Variants in PTPRN2 observed in about 807,000 individuals in gnomAD.
The protein encoded by PTPRN2 is receptor-type tyrosine-protein phosphatase N2.
A neutral mutation model predicts 118.8 loss-of-function variants in PTPRN2; 74 were observed. That is an observed-to-expected ratio of 0.62 (90% CI 0.52 to 0.76). PTPRN2 has a LOEUF of 0.76. Ranked by LOEUF, PTPRN2 falls within the 30% of genes least tolerant of loss-of-function variation. PTPRN2 has a pLI of 0.00. For missense variants in PTPRN2, 1,481 were observed against 1,394.4 expected, an observed-to-expected ratio of 1.06 and a Z score of -0.99; for synonymous variants, 641 against 608.0, an observed-to-expected ratio of 1.05 and a Z score of -0.80.
intron 1 of PTPRN2, among the ~76,000 whole-genome samples, chr7:158,568,372 A>G (rs555084155): frequency 7.9e-4 from 120 of 152,290 alleles, no homozygotes; most frequent in African/African-American, 2.7e-3. Flanking sequence ...CTCACACACA[A>G]TATAGCGAAG....
intron 11 of PTPRN2, among the ~76,000 whole-genome samples, chr7:158,010,422 T>G (rs1805958332): frequency 6.6e-6 from 1 of 152,302 alleles, no homozygotes; most frequent in East Asian, 1.9e-4. Flanking sequence ...ACTACATCAT[T>G]TCTACACTTG....
intron 12 of PTPRN2, among the ~76,000 whole-genome samples, chr7:157,878,726 C>G (rs1462919738): frequency 2.9e-5 from 4 of 139,212 alleles, no homozygotes; most frequent in Non-Finnish European, 6.1e-5. Flanking sequence ...GAGGAGCTCT[C>G]GGATTCCATG....
intron 12 of PTPRN2, among the ~76,000 whole-genome samples, chr7:157,832,276 C>A (rs563610444): frequency 6.6e-6 from 1 of 152,174 alleles, no homozygotes; most frequent in Non-Finnish European, 1.5e-5. Context: ...CGATCAGAGG[C>A]GGCTGCATTC....
chr7:158,259,515 G>A (rs1052356038), intron 3 of PTPRN2, among the ~76,000 whole-genome samples: 2 of 152,220 alleles, frequency 1.3e-5, no homozygotes, highest in Non-Finnish European at 2.9e-5. Context: ...ACCAACGGCT[G>A]GCATGTTCCT....
chr7:158,457,401 C>T (rs1818595601), intron 2 of PTPRN2, among the ~76,000 whole-genome samples: 1 of 152,356 alleles, frequency 6.6e-6, no homozygotes, highest in South Asian at 2.1e-4. Context: ...CCTTGATAAG[C>T]AGACACCACT....
chr7:157,669,497 G>A, intron 13 of PTPRN2: 1 of 474,300 alleles, frequency 2.1e-6, no homozygotes, highest in Non-Finnish European at 4.2e-6. Flanking sequence ...AGCTCTGCAG[G>A]CCCCTCCCCG....
intron 3 of PTPRN2, among the ~76,000 whole-genome samples, chr7:158,214,238 A>T (rs1170856679): frequency 1.3e-5 from 2 of 152,028 alleles, no homozygotes; most frequent in African/African-American, 4.8e-5. Flanking sequence ...GTACAACTAA[A>T]ATCTCTGAGC....
chr7:157,909,664 T>C (rs1199137176), intron 11 of PTPRN2, among the ~76,000 whole-genome samples: 1 of 152,264 alleles, frequency 6.6e-6, no homozygotes, highest in Non-Finnish European at 1.5e-5. Flanking sequence ...GCCATCTGCA[T>C]GGTCCTCCTG....
chr7:157,910,313 C>T (rs1380038813), intron 11 of PTPRN2, among the ~76,000 whole-genome samples: 2 of 149,818 alleles, frequency 1.3e-5, no homozygotes, highest in South Asian at 2.1e-4. Flanking sequence ...GCCGTGGGGA[C>T]GGGTCCAGGA....
intron 2 of PTPRN2, among the ~76,000 whole-genome samples, chr7:158,350,153 T>C (rs555755461): frequency 3.3e-4 from 51 of 152,298 alleles, no homozygotes; most frequent in African/African-American, 1.2e-3. Context: ...CATGTTCACC[T>C]GATTGTTACT....
At chr7:158,272,059 C>T (rs1798549375) in intron 3 of PTPRN2, among the ~76,000 whole-genome samples, 1 of 152,182 alleles carries the variant, frequency 6.6e-6, no homozygotes, top group Admixed American at 6.5e-5. Context: ...TCAGGTTGTT[C>T]CCTCCTCATT....
At chr7:157,704,295 T>C (rs1251231314) in intron 12 of PTPRN2, among the ~76,000 whole-genome samples, 1 of 152,122 alleles carries the variant, frequency 6.6e-6, no homozygotes, top group Non-Finnish European at 1.5e-5. Context: ...CAGGACAGGG[T>C]GGCATCCACA....
chr7:157,998,134 A>G (rs1416864837), intron 11 of PTPRN2, among the ~76,000 whole-genome samples: 1 of 149,514 alleles, frequency 6.7e-6, no homozygotes, highest in Non-Finnish European at 1.5e-5. Flanking sequence ...GCTGGGGGAG[A>G]GGAATGCAGG....
intron 11 of PTPRN2, among the ~76,000 whole-genome samples, chr7:158,010,567 TGAAACTATGA>T (rs1469956070): frequency 6.6e-6 from 1 of 152,170 alleles, no homozygotes; most frequent in African/African-American, 2.4e-5. Context: ...GAAGAAATCT[TGAAACTATGA>T]GAAACTATGG....
At chr7:158,291,886 G>A (rs1255244205) in intron 3 of PTPRN2, among the ~76,000 whole-genome samples, 1 of 152,200 alleles carries the variant, frequency 6.6e-6, no homozygotes, top group Non-Finnish European at 1.5e-5. Flanking sequence ...AAGAAGAGGG[G>A]AGTGTAAAAG....
At chr7:158,198,580 C>A (rs1249095492) in intron 4 of PTPRN2, among the ~76,000 whole-genome samples, 3 of 152,226 alleles carry the variant, frequency 2.0e-5, no homozygotes, top group Non-Finnish European at 4.4e-5. Flanking sequence ...ATATACACAG[C>A]TGGTATTTGT....
At chr7:157,899,234 A>C (rs1386789338) in intron 11 of PTPRN2, among the ~76,000 whole-genome samples, 1 of 152,246 alleles carries the variant, frequency 6.6e-6, no homozygotes, top group Admixed American at 6.5e-5. Flanking sequence ...TGACAGGAAC[A>C]TCCTATAATA....
chr7:157,787,027 C>T lies in PTPRN2; in HGVS notation c.1789-104090G>A, dbSNP rs543682921. Among the ~76,000 whole-genome samples, 29 of 149,728 alleles carry T rather than the reference C, an allele frequency of 1.9e-4. No homozygotes were observed. Among genetic ancestry groups the T allele is most frequent in the Middle Eastern group, 3.5e-3 (1 of 288 alleles). On this transcript the variant is annotated intron_variant, in intron 12 of 22. Coordinates refer to ENST00000389418, the MANE Select transcript of PTPRN2 (RefSeq NM_002847.5). This position sits in a 1 kb window ranked among gnomAD's most constrained non-coding sequence, Gnocchi z 5.3. Reference sequence around the variant, plus strand: ...GAGGGGCAGGAGGCGGACACAGGTGCGGCGGGGGACGCGGGGGTGGCTGCC... The same window carrying T: ...GAGGGGCAGGAGGCGGACACAGGTGTGGCGGGGGACGCGGGGGTGGCTGCC...
chr7:158,483,893 T>C (rs1820811359), intron 2 of PTPRN2, among the ~76,000 whole-genome samples: 1 of 152,196 alleles, frequency 6.6e-6, no homozygotes, highest in Non-Finnish European at 1.5e-5. Context: ...ATCCCAGCAC[T>C]TCGGGAGGTC....
Sources: allele counts gnomAD v4.1 joint callset (sites outside exome capture counted in the v4.1 genomes callset), GRCh38; gene constraint gnomAD v4.1.1; non-coding constraint Gnocchi (gnomAD v3.1); transcripts MANE v1.5; gene names NCBI Gene and HGNC (gene_info 2026-07-23, HGNC 2026-07-21).